The following KLC1 variants were observed in gnomAD, a reference collection of about 807,000 sequenced individuals.
The protein encoded by KLC1 is kinesin light chain 1.
In KLC1, 30 loss-of-function variants were observed where a neutral mutation model predicts 84.2. The observed-to-expected ratio is 0.36, with a 90% CI of 0.27 to 0.48. The LOEUF (loss-of-function observed/expected upper bound fraction) is 0.48. KLC1 is among the 20% of genes least tolerant of loss of function. KLC1 has a pLI of 0.99. For missense variants in KLC1, 499 were observed against 805.4 expected (o/e 0.62, Z 4.60); for synonymous variants, 289 against 293.3 (o/e 0.99, Z 0.15).
intron 15 of KLC1, 171 bp from the exon 16 acceptor site, chr14:103,700,484 C>T (rs1360411769): frequency 3.6e-6 from 2 of 551,994 alleles, no homozygotes; most frequent in Admixed American, 7.1e-5. Flanking sequence ...TAGTTCAGGC[C>T]CCACGGGCCT....
At chr14:103,669,661 C>A in intron 6 of KLC1, 63 bp downstream of exon 6, 2 of 1,155,834 alleles carry the variant, frequency 1.7e-6, no homozygotes, top group Non-Finnish European at 2.6e-6. Context: ...TTCTTTTATC[C>A]AACTCATTTT....
At chr14:103,641,191 G>A (rs970078598) in intron 1 of KLC1, among the ~76,000 whole-genome samples, 1 of 152,062 alleles carries the variant, frequency 6.6e-6, no homozygotes, top group African/African-American at 2.4e-5. Flanking sequence ...TCCCAGTGTT[G>A]GGATCACAGG....
intron 14 of KLC1, 31 bp downstream of exon 14, chr14:103,687,242 C>T: frequency 6.6e-7 from 1 of 1,510,686 alleles, no homozygotes; most frequent in Non-Finnish European, 8.9e-7. Context: ...TCCCGACTCC[C>T]TGCACGCCGG....
At chr14:103,662,255 C>A in intron 4 of KLC1, 61 bp downstream of exon 4, 2 of 1,331,674 alleles carry the variant, frequency 1.5e-6, no homozygotes, top group Non-Finnish European at 2.2e-6. Context: ...CCTCCTAGAA[C>A]ACGGTCATAG....
chr14:103,672,781 T>A (rs2080524202), intron 7 of KLC1, among the ~76,000 whole-genome samples: 2 of 152,330 alleles, frequency 1.3e-5, no homozygotes, highest in Admixed American at 1.3e-4. Context: ...CTACAGTAAT[T>A]AACACAGCTA....
chr14:103,699,114 A>G (rs781520263), intron 15 of KLC1: 50 of 1,571,696 alleles, frequency 3.2e-5, no homozygotes, highest in Non-Finnish European at 4.1e-5. Flanking sequence ...AGGTGCACAC[A>G]CCACATGGCT....
chr14:103,660,262 C>T (rs1041818284), intron 3 of KLC1, among the ~76,000 whole-genome samples: 1 of 152,108 alleles, frequency 6.6e-6, no homozygotes, highest in Non-Finnish European at 1.5e-5. Flanking sequence ...AGGCAGATCA[C>T]CTGAGGTCAG....
At chr14:103,701,103 T>C (rs2151923050) in intron 16 of KLC1, 98 bp from the exon 17 acceptor site, 1 of 1,439,808 alleles carries the variant, frequency 6.9e-7, no homozygotes, top group Admixed American at 2.0e-5. Context: ...TAGGCAGACT[T>C]GGGGTGGGGG....
intron 3 of KLC1, 32 bp downstream of exon 3, chr14:103,657,808 T>C (rs1383884390): frequency 3.3e-6 from 5 of 1,493,558 alleles, no homozygotes; most frequent in African/African-American, 1.4e-5. Context: ...GTGGTGCTAA[T>C]GTTTAAAATG....
intron 13 of KLC1, chr14:103,684,712 G>A (rs570439831): frequency 3.1e-4 from 114 of 368,950 alleles, no homozygotes; most frequent in South Asian, 1.6e-3. Flanking sequence ...ATGAGTGAGC[G>A]TGTGTGCACG....
intron 13 of KLC1, chr14:103,679,906 C>T (rs2081211522): frequency 1.0e-5 from 2 of 192,850 alleles, no homozygotes; most frequent in Admixed American, 1.2e-4. Flanking sequence ...CTCCAGTGCT[C>T]CTAACTTCAC....
intron 15 of KLC1, chr14:103,697,124 A>G: frequency 3.0e-6 from 3 of 985,382 alleles, no homozygotes; most frequent in Non-Finnish European, 3.6e-6. Context: ...GTTCAATTAC[A>G]GAAATAAAAT....
At position 103,678,258 on chromosome 14, in the gene KLC1, G is replaced by A. The variant is rs150767496; in HGVS notation, c.1488+735G>A. Among the ~76,000 whole-genome samples, 553 of 152,222 alleles carry A rather than the reference G, an allele frequency of 3.6e-3. 3 individuals are homozygous for A. The highest frequency in any genetic ancestry group is 0.012 in the African/African-American group (480 of 41,522). On this transcript the variant is annotated intron_variant, in intron 12 of 16. Coordinates refer to ENST00000334553, the MANE Select transcript of KLC1 (RefSeq NM_001394837.1). ...AGCCTGGGCAACAGAGCGAGACTCC[G>A]TCTCAAAAATTAAAATAAAATAAAA...
intron 1 of KLC1, among the ~76,000 whole-genome samples, chr14:103,631,949 C>T (rs911780590): frequency 6.6e-5 from 10 of 151,978 alleles, no homozygotes; most frequent in African/African-American, 1.5e-4. Flanking sequence ...ATACTCAAGA[C>T]GAGAGTATTT....
In KLC1 at chr14:103,699,521, A is replaced by C. The variant is rs776568196; in HGVS notation, c.1849-1134A>C. On this transcript the variant is annotated intron_variant, in intron 15 of 16. Transcript: ENST00000334553. Reference sequence around the variant, plus strand: ...CGAGTCGATGACCACCAGGCGAGCCATGCCCCGAGACAGCAGTACGGGGAC... The same window carrying C: ...CGAGTCGATGACCACCAGGCGAGCCCTGCCCCGAGACAGCAGTACGGGGAC... 8.3e-5 allele frequency: 134 copies of C among 1,613,250 alleles called. No individual in the cohort carries two copies. The highest frequency in any genetic ancestry group is 1.1e-4 in the Non-Finnish European group (131 of 1,179,970).
intron 1 of KLC1, among the ~76,000 whole-genome samples, chr14:103,636,219 CTTTA>C (rs956200726): frequency 3.3e-5 from 5 of 151,970 alleles, no homozygotes; most frequent in Non-Finnish European, 7.4e-5. Context: ...ACTTTCAATA[CTTTA>C]TTTTTTATTT....
At chr14:103,661,207 G>T (rs1445322425) in intron 3 of KLC1, among the ~76,000 whole-genome samples, 1 of 152,124 alleles carries the variant, frequency 6.6e-6, no homozygotes, top group Non-Finnish European at 1.5e-5. Flanking sequence ...CCTCTCCTCT[G>T]CAGCTCATAC....
At chr14:103,657,330 G>A (rs1308870739) in intron 2 of KLC1, among the ~76,000 whole-genome samples, 1 of 152,090 alleles carries the variant, frequency 6.6e-6, no homozygotes, top group Non-Finnish European at 1.5e-5. Flanking sequence ...TTTTTTTGTA[G>A]GCATTCTGAG....
chr14:103,685,731 A>G (rs929511686), intron 13 of KLC1: 40 of 1,288,870 alleles, frequency 3.1e-5, no homozygotes, highest in Non-Finnish European at 3.6e-5. Flanking sequence ...CGCTGTGTCT[A>G]GCAGCCTCTA....
Sources: allele counts gnomAD v4.1 joint callset (sites outside exome capture counted in the v4.1 genomes callset), GRCh38; gene constraint gnomAD v4.1.1; transcripts MANE v1.5; gene names NCBI Gene and HGNC (gene_info 2026-07-23, HGNC 2026-07-21).